The following CYP4A22 variants were observed in gnomAD, a reference collection of about 807,000 sequenced individuals.
The protein encoded by CYP4A22 is cytochrome P450 family 4 subfamily A member 22.
A neutral mutation model predicts 56.2 loss-of-function variants in CYP4A22; 46 were observed. The ratio of observed to expected loss-of-function variants is 0.82; its 90% CI spans 0.65 to 1.05. CYP4A22 has a LOEUF of 1.05. CYP4A22 is among the 50% of genes least tolerant of loss of function. The pLI is 0.00. For synonymous variants in CYP4A22, 193 were observed against 251.1 expected, an observed-to-expected ratio of 0.77 and a Z score of 2.19; for missense variants, 541 against 645.9, an observed-to-expected ratio of 0.84 and a Z score of 1.76.
rs767085310 is a variant in CYP4A22 at position 47,137,531 on chromosome 1, TCC to T, written c.47_48del (p.Ser16TrpfsTer25). ...CCCCAGCAGACGCCTGGGTGGTGTC[TCC>T]GGGATCCTCCAAGTGACCTCCCTGC... Reference protein sequence around the residue: ...LSPSRRLGGVSGILQVTSLLI... With the variant: ...LSPSRRLGGVXGILQVTSLLI... On this transcript the variant is annotated frameshift_variant, in exon 1 of 12. Transcript: ENST00000371891. LOFTEE classifies it high-confidence loss of function. 5.5e-5 allele frequency: 89 copies of T among 1,614,050 alleles called. No homozygotes were observed. Among genetic ancestry groups the T allele is most frequent in the Non-Finnish European group, 3.4e-6 (4 of 1,180,012 alleles).
At position 47,146,133 on chromosome 1, in the gene CYP4A22, G is replaced by A. The variant is rs140647389; in HGVS notation, c.1344G>A (p.Leu448=). ...CTGCTCAACACAGCCACGCTTTCCT[G>A]CCCTTCTCAGGAGGATCAAGGTGAG... ...PGSAQHSHAF[L]PFSGGSRNCI... The change falls in exon 11 of 12, where the codon CTG becomes CTA. Residue 448 remains leucine (L), a synonymous_variant. Coordinates refer to ENST00000371891, the MANE Select transcript of CYP4A22 (RefSeq NM_001010969.4). The A allele has an allele frequency of 3.5e-5, 56 of 1,614,046 alleles. No homozygotes were observed. Among genetic ancestry groups the A allele is most frequent in the Non-Finnish European group, 4.7e-5 (55 of 1,180,040 alleles).
chr1:47,137,697 T>TG lies in CYP4A22; in HGVS notation c.195+22dup, dbSNP rs755823686. Reference sequence around the variant, plus strand: ...ATCCAGGAGGTAGGGAGGAACTCAGTGGGGGAGTGGGAGGGCAAGGAGGGA... The same window carrying TG: ...ATCCAGGAGGTAGGGAGGAACTCAGTGGGGGGAGTGGGAGGGCAAGGAGGGA... On this transcript the variant is annotated intron_variant, in intron 1 of 11. Coordinates refer to ENST00000371891, the MANE Select transcript of CYP4A22 (RefSeq NM_001010969.4). The TG allele has an allele frequency of 3.1e-5, 49 of 1,596,374 alleles. 1 individual carries two copies. In the Admixed American group the frequency reaches 8.4e-4, roughly 27 times the overall value.
chr1:47,142,143 T>A lies in CYP4A22; in HGVS notation c.418T>A (p.Phe140Ile). The stretch of plus-strand genomic sequence containing the variant: ...GCTCCTGTTGAATGGGCAGACATGG[T>A]TCCAGCATCGACGGATGCTGACCCC... ...GLLLLNGQTW[F>I]QHRRMLTPAF... The change falls in exon 4 of 12, where the codon TTC becomes ATC. Residue 140 changes from phenylalanine to isoleucine, a missense_variant. Phe to Ile is a conservative substitution (Grantham distance 21, BLOSUM62 0). Coordinates refer to ENST00000371891, the MANE Select transcript of CYP4A22 (RefSeq NM_001010969.4). 6.2e-7 allele frequency: 1 copy of A among 1,613,698 alleles called. No individual in the cohort carries two copies. Among genetic ancestry groups the A allele is most frequent in the Non-Finnish European group, 8.5e-7 (1 of 1,179,852 alleles).
At chr1:47,138,001 A>G (rs1224694478) in intron 1 of CYP4A22, among the ~76,000 whole-genome samples, 22 of 152,134 alleles carry the variant, frequency 1.4e-4, no homozygotes, top group Non-Finnish European at 1.5e-5. Flanking sequence ...CTTTTCTCAA[A>G]GAACAAGGCT....
rs1215996583 is a variant in CYP4A22, at chr1:47,140,780, T to C, written c.196T>C (p.Phe66Leu). Reference protein sequence around the residue: ...SHWLFGHIQEFQHDQELQRIQ... With the variant: ...SHWLFGHIQELQHDQELQRIQ... ...TTCATCTGTCTACCCTCGTTGACAG[T>C]TCCAACACGACCAGGAGCTACAACG... Residue 66 changes from phenylalanine (F) to leucine (L), a missense_variant and splice_region_variant, in exon 2 of 12, where the codon TTC becomes CTC. Coordinates refer to ENST00000371891, the MANE Select transcript of CYP4A22 (RefSeq NM_001010969.4). 15 of 1,613,962 alleles carry C rather than the reference T, an allele frequency of 9.3e-6. No individual in the cohort carries two copies. Among genetic ancestry groups the C allele is most frequent in the African/African-American group, 8.0e-5 (6 of 74,902 alleles).
In CYP4A22 at chr1:47,142,545, G is replaced by C. The variant is rs1449062992; in HGVS notation, c.510+310G>C. On this transcript the variant is annotated intron_variant, in intron 4 of 11. Transcript: ENST00000371891. Reference sequence around the variant, plus strand: ...GAGGCATATGCAATCTTGTTGGACAGTAGGACTTCCTATGCTGGCTGGCCT... The same window carrying C: ...GAGGCATATGCAATCTTGTTGGACACTAGGACTTCCTATGCTGGCTGGCCT... Among the ~76,000 whole-genome samples, 5 of 152,252 alleles carry C rather than the reference G, an allele frequency of 3.3e-5. No homozygotes were observed. In the South Asian group the frequency reaches 6.2e-4, roughly 19 times the overall value.
chr1:47,140,250 T>C (rs1005046152), intron 1 of CYP4A22, among the ~76,000 whole-genome samples: 2 of 152,216 alleles, frequency 1.3e-5, no homozygotes, highest in Admixed American at 6.5e-5. Flanking sequence ...ATATTCAACA[T>C]GTAGAATACT....
intron 11 of CYP4A22, among the ~76,000 whole-genome samples, chr1:47,148,135 G>T (rs1468520600): frequency 6.6e-6 from 1 of 152,128 alleles, no homozygotes; most frequent in Non-Finnish European, 1.5e-5. Flanking sequence ...ACCCATCGGG[G>T]ACCCCCTATG....
rs397839812 is a variant in CYP4A22, at chr1:47,148,611, C to T, written c.1374C>T (p.Ile458=). 35 of 1,610,288 alleles carry T rather than the reference C, an allele frequency of 2.2e-5. No homozygotes were observed. The highest frequency in any genetic ancestry group is 5.5e-5 in the South Asian group (5 of 90,518). The change falls in exon 12 of 12, where the codon ATC becomes ATT. Residue 458 remains isoleucine (I), a synonymous_variant. Coordinates refer to ENST00000371891, the MANE Select transcript of CYP4A22 (RefSeq NM_001010969.4). ...TCTCCGCCTGGCCCAGGAACTGCAT[C>T]GGGAAACAATTTGCCATGAACCAGC... The part of the protein sequence containing the change: ...LPFSGGSRNC[I]GKQFAMNQLK...
rs372905572 is a variant in CYP4A22, at chr1:47,144,694, C to T, written c.1042C>T (p.Arg348Trp). ...ATHPKHQERC[R>W]EEIHGLLGDG... is the part of the protein sequence containing the mutation. ...ACACCCCAAGCATCAGGAGAGGTGC[C>T]GGGAGGAGATCCATGGCCTCCTGGG... The change falls in exon 8 of 12, where the codon CGG becomes TGG. Residue 348 changes from arginine to tryptophan, a missense_variant. Around this residue, in one of 3 missense-constraint regions of CYP4A22, gnomAD observed 204 missense variants for 258.9 expected, o/e 0.79. Transcript: ENST00000371891. 5.3e-5 allele frequency: 85 copies of T among 1,613,712 alleles called. 1 individual carries two copies. The highest frequency in any genetic ancestry group is 2.5e-4 in the East Asian group (11 of 44,870).
Position 47,145,928 on chromosome 1 carries a change from G to C in CYP4A22, c.1285G>C (p.Glu429Gln). ...CAACCCAAAAGTGTGGCCCAACCTAGAGGTATGTGGTCCTTGAGAGGAGGA... is the reference window on the plus strand; with the variant it reads ...CAACCCAAAAGTGTGGCCCAACCTACAGGTATGTGGTCCTTGAGAGGAGGA... ...HHNPKVWPNL[E>Q]VFDPSRFAPG... The change falls in exon 10 of 12, where the codon GAG (glutamate) becomes CAG (glutamine). Residue 429 changes from glutamate to glutamine, a missense_variant and splice_region_variant. Glu to Gln is a conservative substitution (Grantham distance 29). Around this residue, in one of 3 missense-constraint regions of CYP4A22, gnomAD observed 204 missense variants for 258.9 expected, o/e 0.79. Transcript: ENST00000371891. 6.2e-7 allele frequency: 1 copy of C among 1,614,110 alleles called. No homozygotes were observed. Among genetic ancestry groups the C allele is most frequent in the Non-Finnish European group, 8.5e-7 (1 of 1,180,006 alleles).
At chr1:47,141,015 A>T (rs1645003179) in intron 2 of CYP4A22, 94 bp downstream of exon 2, 2 of 1,551,688 alleles carry the variant, frequency 1.3e-6, no homozygotes, top group Non-Finnish European at 1.7e-6. Context: ...GGCTGTTCAA[A>T]CATCAATATC....
chr1:47,145,361 G>A (rs549922229), intron 9 of CYP4A22, among the ~76,000 whole-genome samples: 3 of 152,274 alleles, frequency 2.0e-5, no homozygotes, highest in African/African-American at 7.2e-5. Context: ...GAACCCTCAG[G>A]TTGATGGCAG....
chr1:47,144,523 C>A (rs1163843562), intron 7 of CYP4A22, 27 bp from the exon 8 acceptor site: 1 of 1,613,674 alleles, frequency 6.2e-7, no homozygotes, highest in Non-Finnish European at 8.5e-7. Flanking sequence ...AGAGACAAGC[C>A]CTGCACTTTC....
intron 9 of CYP4A22, 85 bp downstream of exon 9, chr1:47,145,055 C>T (rs2148558619): frequency 6.4e-7 from 1 of 1,565,386 alleles, no homozygotes; most frequent in Non-Finnish European, 8.7e-7. Context: ...CAGAGTTCTG[C>T]ACATCTCTGG....
At position 47,137,534 on chromosome 1, in the gene CYP4A22, GGGATCCTCCA is replaced by G. The variant is rs752331345; in HGVS notation, c.50_59del (p.Gly17GlufsTer2). The G allele has an allele frequency of 5.5e-5, 89 of 1,614,002 alleles. No homozygotes were observed. Among genetic ancestry groups the G allele is most frequent in the Non-Finnish European group, 3.4e-6 (4 of 1,179,988 alleles). On this transcript the variant is annotated frameshift_variant, in exon 1 of 12. Coordinates refer to ENST00000371891, the MANE Select transcript of CYP4A22 (RefSeq NM_001010969.4). LOFTEE classifies it high-confidence loss of function. ...CAGCAGACGCCTGGGTGGTGTCTCC[GGGATCCTCCA>G]AGTGACCTCCCTGCTCATTCTGCTT...
At position 47,137,672 on chromosome 1, in the gene CYP4A22, A is replaced by T. The variant is rs765744521; in HGVS notation, c.187A>T (p.Ile63Phe). 2.5e-6 allele frequency: 4 copies of T among 1,610,862 alleles called. No homozygotes were observed. Among genetic ancestry groups the T allele is most frequent in the South Asian group, 1.1e-5 (1 of 90,552 alleles). Residue 63 changes from isoleucine to phenylalanine, a missense_variant, in exon 1 of 12, where the codon ATC (isoleucine) becomes TTC (phenylalanine). Physicochemically the swap from Ile to Phe is conservative, Grantham distance 21 (BLOSUM62 0). Transcript: ENST00000371891. ...CPPSHWLFGH[I>F]QEFQHDQELQ... ...TCCCTCCCACTGGCTCTTCGGGCACATCCAGGAGGTAGGGAGGAACTCAGT... is the reference window on the plus strand; with the variant it reads ...TCCCTCCCACTGGCTCTTCGGGCACTTCCAGGAGGTAGGGAGGAACTCAGT...
chr1:47,146,084 A>G lies in CYP4A22; in HGVS notation c.1295A>G (p.Asp432Gly). 1 of 1,613,922 alleles carries G rather than the reference A, an allele frequency of 6.2e-7. No individual in the cohort carries two copies. The highest frequency in any genetic ancestry group is 8.5e-7 in the Non-Finnish European group (1 of 1,179,994). The change falls in exon 11 of 12, where the codon GAC becomes GGC. Residue 432 changes from aspartate to glycine, a missense_variant. Physicochemically the swap from Asp to Gly is moderately conservative, Grantham distance 94. Transcript: ENST00000371891. ...CTGGTGCTCTCTCTGCAGGTGTTTG[A>G]CCCTTCCCGTTTTGCACCGGGTTCT... is the stretch of plus-strand genomic sequence containing the variant. ...PKVWPNLEVF[D>G]PSRFAPGSAQ... is the part of the protein sequence containing the mutation.
intron 11 of CYP4A22, chr1:47,146,389 A>T: frequency 2.1e-6 from 3 of 1,402,140 alleles, no homozygotes; most frequent in Non-Finnish European, 2.8e-6. Flanking sequence ...GGCAGCCTGA[A>T]TTCACTGTCA....
Sources: allele counts gnomAD v4.1 joint callset (sites outside exome capture counted in the v4.1 genomes callset), GRCh38; gene constraint gnomAD v4.1.1; regional missense constraint gnomAD v4.1.1; transcripts MANE v1.5; gene names NCBI Gene and HGNC (gene_info 2026-07-23, HGNC 2026-07-21).